The following LDAF1 variants were observed in gnomAD, a reference collection of about 807,000 sequenced individuals.
The protein encoded by LDAF1 is lipid droplet assembly factor 1, also known as PROMETHIN.
Under a neutral mutation model 13.5 loss-of-function variants are expected in LDAF1, and 7 were observed. The ratio of observed to expected loss-of-function variants is 0.52; its 90% CI spans 0.29 to 0.97. The LOEUF is 0.97. LDAF1 is among the 50% of genes least tolerant of loss of function. The pLI is 0.07. For synonymous variants in LDAF1, 69 were observed against 77.1 expected, an observed-to-expected ratio of 0.89 and a Z score of 0.55; for missense variants, 148 against 193.2, an observed-to-expected ratio of 0.77 and a Z score of 1.39.
At chr16:21,164,774 G>A (rs969967691) in intron 2 of LDAF1, among the ~76,000 whole-genome samples, 16 of 152,186 alleles carry the variant, frequency 1.1e-4, no homozygotes, top group Non-Finnish European at 5.9e-5. Context: ...CACAGTGCAT[G>A]TTACTGAATA....
At chr16:21,159,288 G>A in intron 1 of LDAF1, 2 of 1,560,014 alleles carry the variant, frequency 1.3e-6, no homozygotes, top group Non-Finnish European at 1.8e-6. Flanking sequence ...CCATTATTCA[G>A]TCTCTGTGCC....
intron 1 of LDAF1, chr16:21,159,241 A>T (rs2092932835): frequency 8.0e-7 from 1 of 1,246,962 alleles, no homozygotes; most frequent in African/African-American, 1.5e-5. Context: ...CTTTACCCCC[A>T]AATTAATAAC....
chr16:21,168,867 T>G lies in LDAF1; in HGVS notation c.97-1570T>G, dbSNP rs1163727725. Among the ~76,000 whole-genome samples the G allele has an allele frequency of 7.4e-5, 10 of 134,820 alleles. 1 individual carries two copies. Among genetic ancestry groups the G allele is most frequent in the African/African-American group, 2.8e-4 (10 of 36,006 alleles). 88.4% of individuals were successfully genotyped at this position (134,820 alleles called of 152,430 possible). On this transcript the variant is annotated intron_variant, in intron 2 of 4. Coordinates refer to ENST00000233047, the MANE Select transcript of LDAF1 (RefSeq NM_001301771.2). Reference sequence around the variant, plus strand: ...TATAAATATTTTTATATTTTATATTTATAATTATAATTTATATTATATATT... The same window carrying G: ...TATAAATATTTTTATATTTTATATTGATAATTATAATTTATATTATATATT...
intron 3 of LDAF1, 106 bp from the exon 4 acceptor site, chr16:21,173,900 ACTTT>A: frequency 8.7e-7 from 1 of 1,143,432 alleles, no homozygotes; most frequent in Admixed American, 2.8e-5. Context: ...AAATCTTCTT[ACTTT>A]AATAATCTGA....
intron 2 of LDAF1, among the ~76,000 whole-genome samples, chr16:21,165,122 A>G (rs1341587444): frequency 6.6e-6 from 1 of 152,158 alleles, no homozygotes; most frequent in Non-Finnish European, 1.5e-5. Flanking sequence ...GTCTCTTTGC[A>G]TATCTAAATG....
intron 1 of LDAF1, chr16:21,159,477 G>T: frequency 6.3e-7 from 1 of 1,596,508 alleles, no homozygotes; most frequent in South Asian, 1.1e-5. Flanking sequence ...CTCCCAGCTT[G>T]AACTTTCGAG....
rs761182478 is a variant in LDAF1, at chr16:21,179,473, A to G, written c.405-2A>G. 3.1e-6 allele frequency: 5 copies of G among 1,614,178 alleles called. No individual in the cohort carries two copies. Among genetic ancestry groups the G allele is most frequent in the Non-Finnish European group, 3.4e-6 (4 of 1,180,016 alleles). On this transcript the variant is annotated splice_acceptor_variant, in intron 4 of 4. Transcript: ENST00000233047. LOFTEE classifies it high-confidence loss of function. ...TAACGATCTCTTCTTGTTATCCGAC[A>G]GGCCACTGACACAGCAAAACACCAG... is the stretch of plus-strand genomic sequence containing the variant.
intron 4 of LDAF1, 138 bp downstream of exon 4, chr16:21,174,286 C>A: frequency 1.3e-6 from 1 of 741,160 alleles, no homozygotes; most frequent in Non-Finnish European, 2.1e-6. Context: ...ACCTCCAAGG[C>A]TCAAGCAGTT....
In LDAF1 at chr16:21,159,177, C is replaced by G. The variant is rs181745808; in HGVS notation, c.-99+431C>G. On this transcript the variant is annotated intron_variant, in intron 1 of 4. Coordinates refer to ENST00000233047, the MANE Select transcript of LDAF1 (RefSeq NM_001301771.2). The stretch of plus-strand genomic sequence containing the variant: ...TCACCACCCAGCCCCTCTTCTCCAC[C>G]GAGGTCCCCTTCCCCATCGCTGCAG... 204 of 830,958 alleles carry G rather than the reference C, an allele frequency of 2.5e-4. No individual in the cohort carries two copies. The African/African-American group carries it at 3.2e-3, about 13-fold the overall frequency. 51.5% of individuals were successfully genotyped at this position (830,958 alleles called of 1,614,324 possible).
chr16:21,162,270 G>A (rs2092983293), intron 2 of LDAF1, among the ~76,000 whole-genome samples: 1 of 151,998 alleles, frequency 6.6e-6, no homozygotes, highest in African/African-American at 2.4e-5. Flanking sequence ...TTGAAACATT[G>A]TACCTTCTTT....
At chr16:21,164,401 T>C (rs553583401) in intron 2 of LDAF1, among the ~76,000 whole-genome samples, 1 of 152,202 alleles carries the variant, frequency 6.6e-6, no homozygotes, top group Non-Finnish European at 1.5e-5. Flanking sequence ...CACACCAGCA[T>C]ACTCAGCTAA....
At chr16:21,160,065 C>A in intron 1 of LDAF1, 1 of 629,976 alleles carries the variant, frequency 1.6e-6, no homozygotes, top group Non-Finnish European at 2.0e-6. Flanking sequence ...AATTTGCATA[C>A]TAGACCCTGT....
intron 2 of LDAF1, chr16:21,166,823 CT>C (rs1233569454): frequency 6.5e-7 from 1 of 1,535,472 alleles, no homozygotes; most frequent in Admixed American, 2.0e-5. Context: ...GCTCCTCCGC[CT>C]CTCTTTCTCT....
intron 2 of LDAF1, among the ~76,000 whole-genome samples, chr16:21,166,192 T>G (rs2093022541): frequency 6.6e-6 from 1 of 152,176 alleles, no homozygotes; most frequent in African/African-American, 2.4e-5. Context: ...TATTCTCAAT[T>G]TAACACAATA....
intron 4 of LDAF1, 72 bp downstream of exon 4, chr16:21,174,220 C>T: frequency 7.2e-7 from 1 of 1,393,650 alleles, no homozygotes; most frequent in South Asian, 1.4e-5. Flanking sequence ...GACAAGGCCT[C>T]ACTCTGTCAC....
chr16:21,177,978 C>T (rs2093154650), intron 4 of LDAF1, among the ~76,000 whole-genome samples: 1 of 151,960 alleles, frequency 6.6e-6, no homozygotes, highest in Admixed American at 6.6e-5. Context: ...TGATCGAAAG[C>T]ATGGAATGGG....
At chr16:21,164,662 G>T (rs1017647352) in intron 2 of LDAF1, among the ~76,000 whole-genome samples, 1 of 152,214 alleles carries the variant, frequency 6.6e-6, no homozygotes, top group Non-Finnish European at 1.5e-5. Context: ...AATGTTGTCA[G>T]TCTGTCTCAG....
rs778992036 is a variant in LDAF1 at position 21,167,696 on chromosome 16, G to GTTTTTTTTTTTTTTTTTTTTTTTT, written c.97-2728_97-2727insTTTTTTTTTTTTTTTTTTTTTTTT. Among the ~76,000 whole-genome samples, 4 of 89,090 alleles carry GTTTTTTTTTTTTTTTTTTTTTTTT rather than the reference G, an allele frequency of 4.5e-5. 1 individual carries two copies. The highest frequency in any genetic ancestry group is 4.7e-4 in the South Asian group (1 of 2,130). 58.4% of individuals were successfully genotyped at this position (89,090 alleles called of 152,430 possible). On this transcript the variant is annotated intron_variant, in intron 2 of 4. Transcript: ENST00000233047. Reference sequence around the variant, plus strand: ...ATTCTGAGTCCAAGACCTTAGGTTTGTTTTTTTTTTTTTGAAAAGGAGACT... The same window carrying GTTTTTTTTTTTTTTTTTTTTTTTT: ...ATTCTGAGTCCAAGACCTTAGGTTTGTTTTTTTTTTTTTTTTTTTTTTTTTTTTTTTTTTTTTGAAAAGGAGACT...
Position 21,161,268 on chromosome 16 carries a change from A to G in LDAF1, c.86A>G (p.Asn29Ser). ...TCTCTGCTGATAGACTCCTTCCAGAATAACTCAAAGGTCAGTTTCCAATCA... is the reference window on the plus strand; with the variant it reads ...TCTCTGCTGATAGACTCCTTCCAGAGTAACTCAAAGGTCAGTTTCCAATCA... ...KLSLLIDSFQ[N>S]NSKVVAFMKS... The change falls in exon 2 of 5, where the codon AAT becomes AGT. Residue 29 changes from asparagine to serine, a missense_variant. Asn to Ser is a conservative substitution (Grantham distance 46, BLOSUM62 1). Coordinates refer to ENST00000233047, the MANE Select transcript of LDAF1 (RefSeq NM_001301771.2). 6.2e-7 allele frequency: 1 copy of G among 1,614,206 alleles called. No individual in the cohort carries two copies. Among genetic ancestry groups the G allele is most frequent in the African/African-American group, 1.3e-5 (1 of 75,070 alleles).
Sources: gnomAD v4.1 joint callset for allele counts (sites outside exome capture counted in the v4.1 genomes callset) on GRCh38, gnomAD v4.1.1 for gene constraint, MANE v1.5 for transcripts, NCBI Gene and HGNC (gene_info 2026-07-23, HGNC 2026-07-21) for gene names.